Variants in PCDHA7 observed in about 807,000 individuals in gnomAD.
PCDHA7 encodes protocadherin alpha 7, also known as protocadherin alpha-7.
Under a neutral mutation model 57.2 loss-of-function variants are expected in PCDHA7, and 37 were observed. That is an observed-to-expected ratio of 0.65 (90% CI 0.50 to 0.85). The LOEUF (loss-of-function observed/expected upper bound fraction) is 0.85, where lower values mean the gene tolerates loss of function less well. Among genes scored for constraint, PCDHA7 ranks in the 40% least tolerant of loss-of-function variants. The probability of loss-of-function intolerance (pLI) is 0.00; values close to 1 mark genes in which losing one functional copy is unlikely to be tolerated. For missense variants in PCDHA7, 1,188 were observed against 1,241.8 expected (o/e 0.96, Z 0.65); for synonymous variants, 553 against 558.8 (o/e 0.99, Z 0.15).
chr5:140,836,089 G>C lies in PCDHA7; in HGVS notation c.1706G>C (p.Arg569Pro), dbSNP rs2150252436. The part of the protein sequence containing the change: ...NDNAPALLAP[R>P]VGGTGGAVRE... ...AACGCGCCGGCACTGCTGGCGCCTC[G>C]GGTGGGTGGCACTGGTGGCGCAGTG... The change falls in exon 1 of 4, where the codon CGG becomes CCG. Residue 569 changes from arginine to proline, a missense_variant. This residue lies in a region of PCDHA7 where 892 missense variants were observed against 788.5 expected (regional missense o/e 1.13). Transcript: ENST00000525929. 7.4e-6 allele frequency: 12 copies of C among 1,613,682 alleles called. No individual in the cohort carries two copies. Among genetic ancestry groups the C allele is most frequent in the South Asian group, 5.5e-5 (5 of 91,074 alleles).
At chr5:140,912,908 A>T (rs986770915) in intron 1 of PCDHA7, among the ~76,000 whole-genome samples, 8 of 152,188 alleles carry the variant, frequency 5.3e-5, no homozygotes, top group African/African-American at 1.9e-4. Flanking sequence ...TATCATATTG[A>T]TTGATTTGTG....
chr5:141,000,805 G>C (rs1049253262), intron 3 of PCDHA7, among the ~76,000 whole-genome samples: 2 of 151,852 alleles, frequency 1.3e-5, no homozygotes, highest in Non-Finnish European at 2.9e-5. Context: ...TACTCAGAAG[G>C]CTGAGGTGGG....
Position 140,836,307 on chromosome 5 carries a change from G to A in PCDHA7, c.1924G>A (p.Ala642Thr), listed in dbSNP as rs148995786. 8.6e-5 allele frequency: 139 copies of A among 1,613,622 alleles called. 1 individual carries two copies. The highest frequency in any genetic ancestry group is 1.3e-4 in the Admixed American group (8 of 60,000). The change falls in exon 1 of 4, where the codon GCA becomes ACA. Residue 642 changes from alanine to threonine, a missense_variant. This residue lies in a region of PCDHA7 where 892 missense variants were observed against 788.5 expected (regional missense o/e 1.13). Coordinates refer to ENST00000525929, the MANE Select transcript of PCDHA7 (RefSeq NM_018910.3). The part of the protein sequence containing the change: ...STTRALDETD[A>T]PRHRLLVLVK... ...GACACGAGCCCTAGATGAGACGGAC[G>A]CACCGCGCCACCGCCTTCTGGTGCT... is the stretch of plus-strand genomic sequence containing the variant.
intron 1 of PCDHA7, chr5:140,871,489 G>T: frequency 1.3e-6 from 2 of 1,590,138 alleles, no homozygotes; most frequent in Non-Finnish European, 1.7e-6. Flanking sequence ...AAATCACCCC[G>T]GACAGGTGAG....
intron 3 of PCDHA7, among the ~76,000 whole-genome samples, chr5:141,002,404 C>T (rs1167193365): frequency 2.0e-5 from 3 of 152,200 alleles, no homozygotes; most frequent in African/African-American, 7.2e-5. Context: ...CTCTGTGCCT[C>T]CCAAATAGTA....
chr5:140,842,323 C>A (rs2150334082), intron 1 of PCDHA7: 2 of 1,607,134 alleles, frequency 1.2e-6, no homozygotes. Flanking sequence ...CGGGTCATTG[C>A]ACCGTTTTAG....
At chr5:140,978,048 C>T (rs2096787371) in intron 1 of PCDHA7, among the ~76,000 whole-genome samples, 1 of 152,146 alleles carries the variant, frequency 6.6e-6, no homozygotes, top group African/African-American at 2.4e-5. Flanking sequence ...GTGATGGTGA[C>T]TGATGATGTC....
chr5:140,843,645 G>A, intron 1 of PCDHA7: 1 of 1,595,642 alleles, frequency 6.3e-7, no homozygotes. Context: ...TTCAGCCCCT[G>A]CCTTCCTCCT....
chr5:140,835,568 C>G lies in PCDHA7; in HGVS notation c.1185C>G (p.Phe395Leu), dbSNP rs2150238425. Reference protein sequence around the residue: ...VTCSLTPRVPFKLVSTFKNYY... With the variant: ...VTCSLTPRVPLKLVSTFKNYY... ...GCTCCCTGACGCCCCGCGTTCCCTT[C>G]AAGTTGGTGTCCACCTTCAAGAATT... The change falls in exon 1 of 4, where the codon TTC becomes TTG. Residue 395 changes from phenylalanine to leucine, a missense_variant. Physicochemically the swap from Phe to Leu is conservative, Grantham distance 22 (BLOSUM62 0). This residue lies in a region of PCDHA7 where 892 missense variants were observed against 788.5 expected (regional missense o/e 1.13). Coordinates refer to ENST00000525929, the MANE Select transcript of PCDHA7 (RefSeq NM_018910.3). 2.5e-6 allele frequency: 4 copies of G among 1,613,812 alleles called. No homozygotes were observed. The highest frequency in any genetic ancestry group is 3.4e-6 in the Non-Finnish European group (4 of 1,179,876).
chr5:140,992,676 G>A (rs2097524186), intron 3 of PCDHA7, among the ~76,000 whole-genome samples: 1 of 152,146 alleles, frequency 6.6e-6, no homozygotes, highest in African/African-American at 2.4e-5. Flanking sequence ...GTATGTGTGT[G>A]TTAGGGGTTG....
At chr5:140,912,652 G>A (rs555103404) in intron 1 of PCDHA7, among the ~76,000 whole-genome samples, 2 of 152,132 alleles carry the variant, frequency 1.3e-5, no homozygotes, top group South Asian at 2.1e-4. Context: ...TTGAATAGAA[G>A]TGGTGAAAAT....
chr5:140,862,256 A>C (rs2047276539), intron 1 of PCDHA7: 1 of 223,718 alleles, frequency 4.5e-6, no homozygotes, highest in Non-Finnish European at 8.9e-6. Context: ...TTCCAGAGTT[A>C]GCAGTAAGTC....
Position 140,843,320 on chromosome 5 carries a change from G to T in PCDHA7, c.2355+6582G>T, listed in dbSNP as rs2150357378. ...GCTGACCGCCACGGCCACGGTTCTGGTGTCGCTGGTGGAGAGCGGCCAGGC... is the reference window on the plus strand; with the variant it reads ...GCTGACCGCCACGGCCACGGTTCTGTTGTCGCTGGTGGAGAGCGGCCAGGC... On this transcript the variant is annotated intron_variant, in intron 1 of 3. Coordinates refer to ENST00000525929, the MANE Select transcript of PCDHA7 (RefSeq NM_018910.3). 2.5e-6 allele frequency: 4 copies of T among 1,596,056 alleles called. No individual in the cohort carries two copies. The South Asian group carries it at 4.4e-5, about 18-fold the overall frequency.
intron 1 of PCDHA7, among the ~76,000 whole-genome samples, chr5:140,895,800 T>C (rs1352398048): frequency 6.6e-6 from 1 of 152,182 alleles, no homozygotes; most frequent in Non-Finnish European, 1.5e-5. Context: ...ATATGTACAA[T>C]ACTGTATTGT....
At chr5:140,926,704 T>A in intron 1 of PCDHA7, 1 of 842,670 alleles carries the variant, frequency 1.2e-6, no homozygotes, top group Non-Finnish European at 1.7e-6. Context: ...GGCTCCCAGC[T>A]GGCCAGCCCC....
At chr5:140,896,673 G>A (rs962137649) in intron 1 of PCDHA7, among the ~76,000 whole-genome samples, 12 of 152,000 alleles carry the variant, frequency 7.9e-5, no homozygotes, top group Admixed American at 2.6e-4. Context: ...CACTGTGCCC[G>A]GCCCTTTGCC....
At chr5:140,851,481 C>G in intron 1 of PCDHA7, 1 of 891,038 alleles carries the variant, frequency 1.1e-6, no homozygotes, top group Non-Finnish European at 1.4e-6. Flanking sequence ...ATGTTATAAA[C>G]ACAGCCTTCA....
chr5:140,843,045 G>A (rs1219663342), intron 1 of PCDHA7: 1 of 1,594,956 alleles, frequency 6.3e-7, no homozygotes, highest in Non-Finnish European at 8.6e-7. Flanking sequence ...GGCACTGGTG[G>A]CGCAGCGAGC....
At chr5:140,871,014 C>G (rs1554164974) in intron 1 of PCDHA7, 1 of 1,613,178 alleles carries the variant, frequency 6.2e-7, no homozygotes, top group East Asian at 2.2e-5. Context: ...GTGCCCTGGA[C>G]GAGGCAGACT....
Sources: allele counts gnomAD v4.1 joint callset (sites outside exome capture counted in the v4.1 genomes callset), GRCh38; gene constraint gnomAD v4.1.1; regional missense constraint gnomAD v4.1.1; transcripts MANE v1.5; gene names NCBI Gene and HGNC (gene_info 2026-07-23, HGNC 2026-07-21).